The following PRKG1 variants were observed in gnomAD, a reference collection of about 807,000 sequenced individuals.
PRKG1 encodes the protein protein kinase cGMP-dependent 1, also known as cGMP-dependent protein kinase 1.
A neutral mutation model predicts 88.1 loss-of-function variants in PRKG1; 35 were observed. That is an observed-to-expected ratio of 0.40 (90% CI 0.30 to 0.53). The LOEUF is 0.53. Ranked by LOEUF, PRKG1 falls within the 20% of genes least tolerant of loss-of-function variation. PRKG1 has a pLI of 0.59. For synonymous variants in PRKG1, 303 were observed against 292.5 expected (o/e 1.04, Z -0.37); for missense variants, 540 against 839.8 (o/e 0.64, Z 4.41).
intron 5 of PRKG1, among the ~76,000 whole-genome samples, chr10:51,941,600 TC>T (rs1842908696): frequency 7.7e-6 from 1 of 129,964 alleles, no homozygotes; most frequent in African/African-American, 2.8e-5. Context: ...CTATCCCTCC[TC>T]CCTCCCCCGA....
intron 2 of PRKG1, among the ~76,000 whole-genome samples, chr10:51,441,831 C>T (rs1317538246): frequency 6.6e-6 from 1 of 151,966 alleles, no homozygotes; most frequent in Non-Finnish European, 1.5e-5. Flanking sequence ...TCTCATCTGT[C>T]TTCAGCCAAA....
chr10:50,997,928 T>C (rs897025446), intron 1 of PRKG1, among the ~76,000 whole-genome samples: 3 of 152,202 alleles, frequency 2.0e-5, no homozygotes, highest in African/African-American at 7.2e-5. Flanking sequence ...CTTTATTAAA[T>C]TTACAAATGT....
At chr10:51,085,820 C>A (rs1388995124) in intron 1 of PRKG1, among the ~76,000 whole-genome samples, 1 of 152,118 alleles carries the variant, frequency 6.6e-6, no homozygotes, top group Non-Finnish European at 1.5e-5. Flanking sequence ...CTCCATCATA[C>A]ACTTGTATGA....
intron 1 of PRKG1, among the ~76,000 whole-genome samples, chr10:51,152,111 TTCTTAA>T (rs1330861942): frequency 2.0e-5 from 3 of 152,084 alleles, no homozygotes; most frequent in African/African-American, 7.2e-5. Flanking sequence ...GATAAAATAT[TTCTTAA>T]TATTTCTTCC....
At chr10:51,246,863 CAGA>C (rs1839305725) in intron 2 of PRKG1, among the ~76,000 whole-genome samples, 1 of 151,910 alleles carries the variant, frequency 6.6e-6, no homozygotes. Context: ...TCCCAGTTTT[CAGA>C]AGAACATGTA....
chr10:51,327,491 TA>T (rs1484829860), intron 2 of PRKG1, among the ~76,000 whole-genome samples: 1 of 152,132 alleles, frequency 6.6e-6, no homozygotes, highest in African/African-American at 2.4e-5. Flanking sequence ...AAAATGTTTT[TA>T]AAAAATTAAA....
At chr10:51,631,700 T>C (rs1311694671) in intron 3 of PRKG1, among the ~76,000 whole-genome samples, 1 of 152,208 alleles carries the variant, frequency 6.6e-6, no homozygotes, top group Non-Finnish European at 1.5e-5. Context: ...CCTAGATCCC[T>C]TGAGTGTGCA....
intron 3 of PRKG1, among the ~76,000 whole-genome samples, chr10:51,773,197 C>G (rs1838349967): frequency 6.6e-6 from 1 of 151,986 alleles, no homozygotes; most frequent in Non-Finnish European, 1.5e-5. Flanking sequence ...TTGATTTATG[C>G]TATAGTTGAC....
At chr10:51,205,441 A>G (rs1331277490) in intron 2 of PRKG1, among the ~76,000 whole-genome samples, 2 of 149,332 alleles carry the variant, frequency 1.3e-5, no homozygotes, top group African/African-American at 4.9e-5. Context: ...CCACCTTGGG[A>G]ATTTTCATTT....
At chr10:51,945,092 G>A (rs1842995555) in intron 5 of PRKG1, among the ~76,000 whole-genome samples, 1 of 150,814 alleles carries the variant, frequency 6.6e-6, no homozygotes, top group Non-Finnish European at 1.5e-5. Flanking sequence ...GGGAGTCTAA[G>A]TCTCTTTGTA....
At chr10:52,088,609 G>A (rs1433395712) in intron 7 of PRKG1, among the ~76,000 whole-genome samples, 2 of 152,084 alleles carry the variant, frequency 1.3e-5, no homozygotes, top group Non-Finnish European at 2.9e-5. Context: ...CAGTGTGTGA[G>A]GACACAGTAA....
chr10:52,191,112 C>T (rs1839351433), intron 9 of PRKG1, among the ~76,000 whole-genome samples: 1 of 152,056 alleles, frequency 6.6e-6, no homozygotes, highest in East Asian at 1.9e-4. Context: ...CTCTTTAGGC[C>T]TCCTTTAATC....
chr10:51,921,386 A>G (rs1199226608), intron 5 of PRKG1, among the ~76,000 whole-genome samples: 4 of 152,064 alleles, frequency 2.6e-5, no homozygotes, highest in Non-Finnish European at 1.5e-5. Context: ...TTCCTTCCCC[A>G]TCTGTCTCTC....
intron 3 of PRKG1, among the ~76,000 whole-genome samples, chr10:51,631,701 T>G (rs58488809): frequency 6.6e-6 from 1 of 152,174 alleles, no homozygotes; most frequent in South Asian, 2.1e-4. Flanking sequence ...CTAGATCCCT[T>G]GAGTGTGCAG....
chr10:51,806,344 T>G (rs568986829), intron 4 of PRKG1, among the ~76,000 whole-genome samples: 1 of 152,314 alleles, frequency 6.6e-6, no homozygotes, highest in South Asian at 2.1e-4. Context: ...GAACTCTTTC[T>G]GGTAGCACTA....
At chr10:51,145,263 G>T (rs966622725) in intron 1 of PRKG1, among the ~76,000 whole-genome samples, 7 of 152,074 alleles carry the variant, frequency 4.6e-5, no homozygotes, top group Non-Finnish European at 7.4e-5. Context: ...TGAGTTCTGA[G>T]AAATTTCAAT....
chr10:51,481,991 G>A (rs1261997931), intron 3 of PRKG1, among the ~76,000 whole-genome samples: 1 of 152,020 alleles, frequency 6.6e-6, no homozygotes, highest in East Asian at 1.9e-4. Context: ...ATAACTTGAA[G>A]GATACATTAG....
intron 2 of PRKG1, among the ~76,000 whole-genome samples, chr10:51,312,123 C>T (rs747025556): frequency 1.3e-5 from 2 of 152,126 alleles, no homozygotes; most frequent in Non-Finnish European, 2.9e-5. Flanking sequence ...CTGCCCGCCT[C>T]GGCCTCCAAA....
chr10:51,175,170 G>C (rs1420288899), intron 2 of PRKG1, among the ~76,000 whole-genome samples: 1 of 87,366 alleles, frequency 1.1e-5, no homozygotes, highest in African/African-American at 4.6e-5. Flanking sequence ...TTACTAAGCT[G>C]TAGTCAGTAT....
Sources: gnomAD v4.1 joint callset for allele counts (sites outside exome capture counted in the v4.1 genomes callset) on GRCh38, gnomAD v4.1.1 for gene constraint, MANE v1.5 for transcripts, NCBI Gene and HGNC (gene_info 2026-07-23, HGNC 2026-07-21) for gene names.